The following CREB3L2 variants were observed in gnomAD, a reference collection of about 807,000 sequenced individuals.
CREB3L2 encodes cyclic AMP-responsive element-binding protein 3-like protein 2.
Under a neutral mutation model 57.2 loss-of-function variants are expected in CREB3L2, and 23 were observed. The observed-to-expected ratio is 0.40, with a 90% CI of 0.29 to 0.57. The LOEUF (loss-of-function observed/expected upper bound fraction) is 0.57, where lower values mean the gene tolerates loss of function less well. CREB3L2 is among the 20% of genes least tolerant of loss of function. The pLI, the probability that CREB3L2 is intolerant of heterozygous loss-of-function variation, is 0.42. For missense variants in CREB3L2, 628 were observed against 634.7 expected (o/e 0.99, Z 0.11); for synonymous variants, 268 against 265.1 (o/e 1.01, Z -0.11).
chr7:137,926,821 G>A (rs995438337), intron 2 of CREB3L2, among the ~76,000 whole-genome samples: 2 of 152,042 alleles, frequency 1.3e-5, no homozygotes, highest in Admixed American at 6.6e-5. Flanking sequence ...TACTAAAATA[G>A]CTGGCTATCC....
intron 8 of CREB3L2, among the ~76,000 whole-genome samples, chr7:137,890,833 G>A (rs772009347): frequency 1.1e-4 from 16 of 152,184 alleles, no homozygotes; most frequent in Non-Finnish European, 2.1e-4. Flanking sequence ...TGCATGAAGG[G>A]CTGGGTGGAG....
intron 1 of CREB3L2, among the ~76,000 whole-genome samples, chr7:137,971,442 T>A (rs1392912039): frequency 1.5e-5 from 2 of 137,426 alleles, no homozygotes; most frequent in Non-Finnish European, 1.6e-5. Flanking sequence ...AGAGCGAGAC[T>A]CCGTCTCAAA....
At chr7:137,904,761 C>A (rs1799844956) in intron 6 of CREB3L2, among the ~76,000 whole-genome samples, 1 of 150,812 alleles carries the variant, frequency 6.6e-6, no homozygotes, top group African/African-American at 2.4e-5. Context: ...ATCACTTGAA[C>A]CTGGGAGGCA....
At chr7:137,982,047 G>T (rs994008892) in intron 1 of CREB3L2, among the ~76,000 whole-genome samples, 7 of 152,076 alleles carry the variant, frequency 4.6e-5, no homozygotes, top group African/African-American at 1.7e-4. Context: ...GAGGTGGGGG[G>T]TATGCTGGTG....
At chr7:137,900,572 G>A (rs1224463488) in intron 8 of CREB3L2, among the ~76,000 whole-genome samples, 3 of 151,936 alleles carry the variant, frequency 2.0e-5, no homozygotes, top group South Asian at 2.1e-4. Context: ...AGGTGGGGGC[G>A]GATCATGAGG....
rs910524224 is a variant in CREB3L2, at chr7:137,877,060, A to T, written c.*3416T>A. The T allele has an allele frequency of 8.7e-6, 2 of 229,448 alleles. No individual in the cohort carries two copies. Among genetic ancestry groups the T allele is most frequent in the African/African-American group, 2.2e-5 (1 of 45,158 alleles). 14.2% of individuals were successfully genotyped at this position (229,448 alleles called of 1,614,324 possible). ...CCATAAAATGCTGGAGAACAATTTT[A>T]AAAAACACTTATGAAAAAATGCTGG... On this transcript the variant is annotated 3_prime_UTR_variant, in exon 12 of 12. Coordinates refer to ENST00000330387, the MANE Select transcript of CREB3L2 (RefSeq NM_194071.4).
intron 1 of CREB3L2, among the ~76,000 whole-genome samples, chr7:137,928,575 C>T (rs190056603): frequency 2.8e-5 from 4 of 143,120 alleles, no homozygotes; most frequent in South Asian, 2.5e-4. Context: ...CTCCCTCCTC[C>T]GTGGGTTGGG....
intron 1 of CREB3L2, among the ~76,000 whole-genome samples, chr7:137,960,433 G>GGA (rs535966589): frequency 4.7e-4 from 71 of 152,168 alleles, no homozygotes; most frequent in African/African-American, 1.6e-3. Context: ...AGGGGGGTGG[G>GGA]GAGAGAGAAA....
At chr7:137,988,391 C>A (rs1407621756) in intron 1 of CREB3L2, among the ~76,000 whole-genome samples, 7 of 152,268 alleles carry the variant, frequency 4.6e-5, no homozygotes, top group Non-Finnish European at 1.0e-4. Context: ...AATGTTCCTT[C>A]TGCAGGCTCA....
At position 137,900,693 on chromosome 7, in the gene CREB3L2, G is replaced by T. The variant is rs562554525; in HGVS notation, c.1043+661C>A. Among the ~76,000 whole-genome samples, 6 of 151,662 alleles carry T rather than the reference G, an allele frequency of 4.0e-5. No homozygotes were observed. In the East Asian group the frequency reaches 1.2e-3, roughly 29 times the overall value. The stretch of plus-strand genomic sequence containing the variant: ...GTGGCGCGTGCCTGTAGTCCCAGCT[G>T]CTCAGGAGGCTGAGGCAGGAGAATC... On this transcript the variant is annotated intron_variant, in intron 8 of 11. Coordinates refer to ENST00000330387, the MANE Select transcript of CREB3L2 (RefSeq NM_194071.4).
At chr7:137,910,946 A>C (rs1252383703) in intron 4 of CREB3L2, among the ~76,000 whole-genome samples, 1 of 152,194 alleles carries the variant, frequency 6.6e-6, no homozygotes, top group South Asian at 2.1e-4. Context: ...TCCTTATCTC[A>C]GTTTATCCAG....
intron 1 of CREB3L2, among the ~76,000 whole-genome samples, chr7:137,975,946 A>G (rs1218156108): frequency 6.6e-6 from 1 of 152,220 alleles, no homozygotes; most frequent in Non-Finnish European, 1.5e-5. Context: ...ACTGGGAAAG[A>G]CACTGAGTGG....
At chr7:137,978,432 C>T (rs78932648) in intron 1 of CREB3L2, among the ~76,000 whole-genome samples, 131 of 152,292 alleles carry the variant, frequency 8.6e-4, no homozygotes, top group African/African-American at 3.0e-3. Flanking sequence ...CTGAACTTTC[C>T]TATCCCCTCC....
chr7:137,879,067 C>CT lies in CREB3L2; in HGVS notation c.*1408dup. On this transcript the variant is annotated 3_prime_UTR_variant, in exon 12 of 12. Coordinates refer to ENST00000330387, the MANE Select transcript of CREB3L2 (RefSeq NM_194071.4). ...ATCTTTCCCAAGCTCGGAAAAAACA[C>CT]TTGAGGGTTTTCTACATTACACAAT... The CT allele has an allele frequency of 2.3e-6, 1 of 438,226 alleles. No homozygotes were observed. The highest frequency in any genetic ancestry group is 3.4e-5 in the Admixed American group (1 of 29,046). The allele number at this position is 438,226 out of a possible 1,614,324, so 27.1% of individuals were successfully genotyped here.
intron 1 of CREB3L2, among the ~76,000 whole-genome samples, chr7:137,970,257 G>GT (rs1801484427): frequency 1.3e-5 from 2 of 152,368 alleles, no homozygotes; most frequent in African/African-American, 4.8e-5. Context: ...AAGACAGGAT[G>GT]TATAGTACTA....
At chr7:137,930,785 G>T in intron 1 of CREB3L2, among the ~76,000 whole-genome samples, 1 of 152,268 alleles carries the variant, frequency 6.6e-6, no homozygotes, top group African/African-American at 2.4e-5. Flanking sequence ...AAACTGGAAG[G>T]TCCTTAGGAG....
intron 1 of CREB3L2, chr7:137,936,075 C>A (rs1225486342): frequency 7.4e-6 from 2 of 270,028 alleles, no homozygotes; most frequent in African/African-American, 4.6e-5. Context: ...TAACTGGCTG[C>A]ATAAAGCTAC....
intron 1 of CREB3L2, among the ~76,000 whole-genome samples, chr7:137,959,261 GC>G (rs1429518616): frequency 1.3e-5 from 2 of 152,210 alleles, no homozygotes; most frequent in Non-Finnish European, 2.9e-5. Flanking sequence ...CTGAAACTGG[GC>G]CCCAAGAGTC....
chr7:137,963,563 A>G (rs982626910), intron 1 of CREB3L2, among the ~76,000 whole-genome samples: 7 of 152,194 alleles, frequency 4.6e-5, no homozygotes, highest in Admixed American at 2.0e-4. Flanking sequence ...CTCTGGTATC[A>G]TGATCCACCC....
Sources: gnomAD v4.1 joint callset for allele counts (sites outside exome capture counted in the v4.1 genomes callset) on GRCh38, gnomAD v4.1.1 for gene constraint, MANE v1.5 for transcripts, NCBI Gene and HGNC (gene_info 2026-07-23, HGNC 2026-07-21) for gene names.